DOK6: variants seen among roughly 807,000 people sequenced by gnomAD.
DOK6 encodes downstream of tyrosine kinase 6.
Under a neutral mutation model 44.0 loss-of-function variants are expected in DOK6, and 22 were observed. The ratio of observed to expected loss-of-function variants is 0.50; its 90% confidence interval spans 0.36 to 0.71. The LOEUF is 0.71. Ranked by LOEUF, DOK6 falls within the 30% of genes least tolerant of loss-of-function variation. The pLI is 0.00. For synonymous variants in DOK6, 166 were observed against 145.5 expected (o/e 1.14, Z -1.01); for missense variants, 340 against 416.4 (o/e 0.82, Z 1.60).
chr18:69,492,635 G>A (rs1000921693), intron 1 of DOK6, among the ~76,000 whole-genome samples: 1 of 151,724 alleles, frequency 6.6e-6, no homozygotes, highest in Non-Finnish European at 1.5e-5. Flanking sequence ...ATGTGTAATC[G>A]ATCTTTAGCT....
At chr18:69,839,755 C>T (rs928694901) in intron 7 of DOK6, among the ~76,000 whole-genome samples, 2 of 152,122 alleles carry the variant, frequency 1.3e-5, no homozygotes, top group Non-Finnish European at 2.9e-5. Context: ...AGCCTCCAGG[C>T]GCCGTGGGGC....
chr18:69,427,533 G>A (rs1726120398), intron 1 of DOK6, among the ~76,000 whole-genome samples: 1 of 152,150 alleles, frequency 6.6e-6, no homozygotes, highest in African/African-American at 2.4e-5. Context: ...CCAGCCATGT[G>A]GAATACAGTG....
At chr18:69,613,907 G>A (rs1984221941) in intron 3 of DOK6, among the ~76,000 whole-genome samples, 1 of 150,400 alleles carries the variant, frequency 6.6e-6, no homozygotes, top group South Asian at 2.1e-4. Context: ...AAATGAATTT[G>A]GGTAAATCCC....
At chr18:69,408,122 C>T (rs1365080815) in intron 1 of DOK6, among the ~76,000 whole-genome samples, 1 of 152,042 alleles carries the variant, frequency 6.6e-6, no homozygotes, top group African/African-American at 2.4e-5. Flanking sequence ...GTCTACAAAC[C>T]TAGGTTTATA....
chr18:69,483,984 C>A (rs1299717409), intron 1 of DOK6, among the ~76,000 whole-genome samples: 3 of 151,794 alleles, frequency 2.0e-5, no homozygotes, highest in African/African-American at 7.3e-5. Context: ...TTTAAATTAG[C>A]AAAGATGTTT....
rs760760882 is a variant in DOK6, at chr18:69,422,686, C to G, written c.66+21376C>G. ...TACTCTGTTTGTGTAACTTAAGGCA[C>G]AAGTGTTGGTGTGACTTTCTAATGG... On this transcript the variant is annotated intron_variant, in intron 1 of 7. Coordinates refer to ENST00000382713, the MANE Select transcript of DOK6 (RefSeq NM_152721.6). Among the ~76,000 whole-genome samples the G allele has an allele frequency of 6.5e-4, 99 of 152,156 alleles. 2 individuals carry two copies. Among genetic ancestry groups the G allele is most frequent in the Non-Finnish European group, 1.3e-3 (87 of 68,038 alleles).
intron 5 of DOK6, among the ~76,000 whole-genome samples, chr18:69,705,490 C>G (rs909799788): frequency 3.3e-5 from 5 of 152,264 alleles, no homozygotes; most frequent in African/African-American, 1.2e-4. Flanking sequence ...GTAGGAGCAG[C>G]ACTCACTTAA....
At chr18:69,601,839 G>C (rs1307525265) in intron 3 of DOK6, among the ~76,000 whole-genome samples, 3 of 152,186 alleles carry the variant, frequency 2.0e-5, no homozygotes, top group Non-Finnish European at 4.4e-5. Context: ...AGAGCATCTT[G>C]TAGTGCCAGA....
intron 3 of DOK6, among the ~76,000 whole-genome samples, chr18:69,637,128 C>A (rs538110782): frequency 6.6e-6 from 1 of 152,312 alleles, no homozygotes; most frequent in South Asian, 2.1e-4. Context: ...CTCTGTGCAC[C>A]CTGTGATCTG....
intron 2 of DOK6, among the ~76,000 whole-genome samples, chr18:69,586,779 G>A (rs895165089): frequency 1.3e-5 from 2 of 152,144 alleles, no homozygotes; most frequent in South Asian, 2.1e-4. Context: ...CTGGGGCCCC[G>A]ATACTGACAG....
At chr18:69,720,126 T>C (rs540842643) in intron 5 of DOK6, among the ~76,000 whole-genome samples, 1 of 152,154 alleles carries the variant, frequency 6.6e-6, no homozygotes, top group East Asian at 1.9e-4. Flanking sequence ...GAGGCAGAGG[T>C]TGCAGTGAGC....
intron 5 of DOK6, among the ~76,000 whole-genome samples, chr18:69,702,134 G>GTTTTTT (rs34123199): frequency 1.6e-5 from 2 of 126,348 alleles, no homozygotes; most frequent in African/African-American, 2.9e-5. Flanking sequence ...TTCTGGGTTG[G>GTTTTTT]TTTTTTTTTT....
chr18:69,715,967 G>A (rs989806114), intron 5 of DOK6, among the ~76,000 whole-genome samples: 5 of 152,190 alleles, frequency 3.3e-5, no homozygotes, highest in Non-Finnish European at 7.3e-5. Flanking sequence ...ATTCAGCAGA[G>A]AACTAGAAAA....
intron 5 of DOK6, among the ~76,000 whole-genome samples, chr18:69,731,181 G>A (rs1978388126): frequency 6.6e-6 from 1 of 152,024 alleles, no homozygotes; most frequent in African/African-American, 2.4e-5. Context: ...AAATTCAAAA[G>A]TTCTTAATCT....
rs2145143158 is a variant in DOK6 at position 69,842,903 on chromosome 18, T to G, written c.*1520T>G. The G allele has an allele frequency of 6.6e-6, 1 of 152,324 alleles. No individual in the cohort carries two copies. Among genetic ancestry groups the G allele is most frequent in the African/African-American group, 2.4e-5 (1 of 41,582 alleles). The allele number at this position is 152,324 out of a possible 1,614,324, so 9.4% of individuals were successfully genotyped here. A position where few individuals can be genotyped will look rare whatever the true frequency, so the allele number is the denominator to read the frequency against. On this transcript the variant is annotated 3_prime_UTR_variant, in exon 8 of 8. Coordinates refer to ENST00000382713, the MANE Select transcript of DOK6 (RefSeq NM_152721.6). ...CAAGATGAAAACCCAGGTTTTTTTT[T>G]TCTTAATAGGAAAATTTTTTAAACT...
intron 1 of DOK6, among the ~76,000 whole-genome samples, chr18:69,536,508 A>T (rs1982126765): frequency 6.7e-6 from 1 of 149,628 alleles, no homozygotes; most frequent in Non-Finnish European, 1.5e-5. Context: ...TTAGCCATGT[A>T]TATAAACAAA....
intron 7 of DOK6, among the ~76,000 whole-genome samples, chr18:69,787,809 C>T (rs1020632396): frequency 2.6e-5 from 4 of 152,012 alleles, no homozygotes; most frequent in South Asian, 2.1e-4. Flanking sequence ...AAATGAGTTC[C>T]GAAAAAGACA....
intron 1 of DOK6, among the ~76,000 whole-genome samples, chr18:69,528,748 T>C (rs1355011024): frequency 6.6e-6 from 1 of 152,172 alleles, no homozygotes; most frequent in Non-Finnish European, 1.5e-5. Flanking sequence ...AGCACAGTCA[T>C]GTCATATGTA....
intron 1 of DOK6, among the ~76,000 whole-genome samples, chr18:69,507,955 G>A (rs1418033611): frequency 6.6e-6 from 1 of 152,010 alleles, no homozygotes; most frequent in African/African-American, 2.4e-5. Context: ...CAGACTTAGG[G>A]GAAAAGTGTT....
Sources: allele counts gnomAD v4.1 joint callset (sites outside exome capture counted in the v4.1 genomes callset), GRCh38; gene constraint gnomAD v4.1.1; transcripts MANE v1.5; gene names NCBI Gene and HGNC (gene_info 2026-07-23, HGNC 2026-07-21).